ARHGAP6: variants seen among roughly 807,000 people sequenced by gnomAD.
The protein encoded by ARHGAP6 is Rho GTPase activating protein 6.
Under a neutral mutation model 55.7 loss-of-function variants are expected in ARHGAP6, and 16 were observed. The observed-to-expected ratio is 0.29, with a 90% CI of 0.19 to 0.44. The LOEUF is 0.44. Ranked by LOEUF, ARHGAP6 falls within the 20% of genes least tolerant of loss-of-function variation. The pLI, the probability that ARHGAP6 is intolerant of heterozygous loss-of-function variation, is 1.00. For missense variants in ARHGAP6, 698 were observed against 808.9 expected (o/e 0.86, Z 1.66); for synonymous variants, 382 against 360.9 (o/e 1.06, Z -0.66).
intron 1 of ARHGAP6, among the ~76,000 whole-genome samples, chrX:11,284,480 C>T (rs188364890): frequency 1.8e-5 from 2 of 112,159 alleles, no homozygotes; most frequent in Admixed American, 1.9e-4. Context: ...ACAGTCTGTA[C>T]TTTATGTACT....
At chrX:11,394,817 G>A (rs188117491) in intron 1 of ARHGAP6, among the ~76,000 whole-genome samples, 49 of 111,662 alleles carry the variant, frequency 4.4e-4, no homozygotes, top group Non-Finnish European at 6.8e-4. Context: ...AGACTTCTAA[G>A]AAATTCAGCT....
chrX:11,201,071 A>G (rs2046612370), intron 2 of ARHGAP6, among the ~76,000 whole-genome samples: 1 of 111,995 alleles, frequency 8.9e-6, no homozygotes, highest in African/African-American at 3.3e-5. Flanking sequence ...GTATTTGTGC[A>G]CATTCATATT....
At chrX:11,448,181 A>G (rs1040007548) in intron 1 of ARHGAP6, among the ~76,000 whole-genome samples, 2 of 112,164 alleles carry the variant, frequency 1.8e-5, no homozygotes, top group Admixed American at 1.9e-4. Flanking sequence ...CTTAACCTCA[A>G]ATATTCCAGT....
intron 1 of ARHGAP6, among the ~76,000 whole-genome samples, chrX:11,573,776 C>A (rs1400672047): frequency 9.0e-6 from 1 of 110,753 alleles, no homozygotes; most frequent in Non-Finnish European, 1.9e-5. Flanking sequence ...TTACCTTGGG[C>A]AGTATGGCCA....
intron 1 of ARHGAP6, among the ~76,000 whole-genome samples, chrX:11,658,918 C>T (rs1281280730): frequency 2.7e-5 from 3 of 109,790 alleles, no homozygotes; most frequent in Admixed American, 9.8e-5. Context: ...ACCCACTAGA[C>T]GCCAGTAGCA....
intron 12 of ARHGAP6, among the ~76,000 whole-genome samples, chrX:11,140,037 T>G (rs2045597455): frequency 9.0e-6 from 1 of 111,085 alleles, no homozygotes; most frequent in Admixed American, 9.5e-5. Flanking sequence ...CTACCATCAA[T>G]GCAGGAAAGG....
intron 1 of ARHGAP6, among the ~76,000 whole-genome samples, chrX:11,389,236 T>C (rs1244214371): frequency 8.9e-6 from 1 of 112,086 alleles, no homozygotes; most frequent in Non-Finnish European, 1.9e-5. Context: ...CTCTAGATAG[T>C]AAGGTTAACA....
chrX:11,361,576 T>C (rs1176345324), intron 1 of ARHGAP6, among the ~76,000 whole-genome samples: 1 of 109,892 alleles, frequency 9.1e-6, no homozygotes, highest in African/African-American at 3.3e-5. Context: ...GGCAATACCA[T>C]TCAGGACATA....
intron 2 of ARHGAP6, among the ~76,000 whole-genome samples, chrX:11,251,778 C>T (rs1321571315): frequency 9.0e-6 from 1 of 111,554 alleles, no homozygotes; most frequent in African/African-American, 3.3e-5. Context: ...ATCAAGTGGC[C>T]ACATTTAGAC....
chrX:11,427,885 A>G, intron 1 of ARHGAP6: 1 of 597,432 alleles, frequency 1.7e-6, no homozygotes, highest in African/African-American at 2.6e-5. Context: ...GTCTGATGCG[A>G]TGGGCGGGCG....
chrX:11,277,837 G>C (rs927655103), intron 1 of ARHGAP6, among the ~76,000 whole-genome samples: 2 of 111,274 alleles, frequency 1.8e-5, no homozygotes, highest in South Asian at 7.5e-4. Context: ...ACTTGTTAAA[G>C]TACAGTTCAG....
intron 1 of ARHGAP6, among the ~76,000 whole-genome samples, chrX:11,316,589 G>T (rs2048361900): frequency 8.9e-6 from 1 of 112,294 alleles, no homozygotes; most frequent in African/African-American, 3.2e-5. Context: ...CTCTGTTAGT[G>T]ATTTTCAAAA....
In ARHGAP6 at chrX:11,236,945, C is replaced by T. The variant is rs780103786; in HGVS notation, c.748+17603G>A. On this transcript the variant is annotated intron_variant, in intron 2 of 12. Transcript: ENST00000337414. ...ACATGAGAGATGGTTCAGGGCTCTCCTATCCAGGAGGTGTTTGTAAAACAG... is the reference window on the plus strand; with the variant it reads ...ACATGAGAGATGGTTCAGGGCTCTCTTATCCAGGAGGTGTTTGTAAAACAG... Among the ~76,000 whole-genome samples the T allele has an allele frequency of 4.4e-5, 5 of 112,425 alleles. No homozygotes were observed. In the East Asian group the frequency reaches 1.4e-3, roughly 32 times the overall value.
At chrX:11,259,130 T>G (rs1053930736) in intron 1 of ARHGAP6, among the ~76,000 whole-genome samples, 3 of 111,431 alleles carry the variant, frequency 2.7e-5, no homozygotes, top group Non-Finnish European at 5.7e-5. Flanking sequence ...CCACCTCCCC[T>G]GATCCCCCAC....
At chrX:11,429,187 T>C (rs1027946340) in intron 1 of ARHGAP6, among the ~76,000 whole-genome samples, 1 of 112,887 alleles carries the variant, frequency 8.9e-6, no homozygotes, top group Non-Finnish European at 1.9e-5. Context: ...ACAAACATTA[T>C]GTTGGGAGAA....
intron 1 of ARHGAP6, among the ~76,000 whole-genome samples, chrX:11,375,457 A>C: frequency 1.8e-5 from 2 of 112,424 alleles, no homozygotes; most frequent in South Asian, 7.4e-4. Context: ...TATCCTAGGT[A>C]ATTTAGATCA....
intron 1 of ARHGAP6, among the ~76,000 whole-genome samples, chrX:11,353,138 T>C (rs989024611): frequency 1.3e-3 from 148 of 111,935 alleles, no homozygotes; most frequent in African/African-American, 4.6e-3. Flanking sequence ...CAACATCCTT[T>C]GCACTATTGA....
chrX:11,597,829 G>A lies in ARHGAP6; in HGVS notation c.588+66412C>T, dbSNP rs151011492. ...TTTGTTTGTGAAAAAATTGAGGAGA[G>A]GATAGAGAGTTGGGGCTAAGGATGA... On this transcript the variant is annotated intron_variant, in intron 1 of 12. Transcript: ENST00000337414. 3.9e-3 allele frequency among the ~76,000 whole-genome samples: 436 copies of A among 111,977 alleles called. 1 individual carries two copies. Among genetic ancestry groups the A allele is most frequent in the African/African-American group, 0.012 (384 of 30,831 alleles).
At chrX:11,344,305 A>T (rs766920608) in intron 1 of ARHGAP6, among the ~76,000 whole-genome samples, 1 of 111,512 alleles carries the variant, frequency 9.0e-6, no homozygotes, top group East Asian at 2.8e-4. Context: ...TGCGGGGGCA[A>T]ATAGTCCCTA....
Sources: gnomAD v4.1 joint callset for allele counts (sites outside exome capture counted in the v4.1 genomes callset) on GRCh38, gnomAD v4.1.1 for gene constraint, MANE v1.5 for transcripts, NCBI Gene and HGNC (gene_info 2026-07-23, HGNC 2026-07-21) for gene names.